POLA1: variants seen among roughly 807,000 people sequenced by gnomAD.
The protein encoded by POLA1 is DNA polymerase alpha catalytic subunit.
In POLA1, 15 loss-of-function variants were observed where a neutral mutation model predicts 124.0. That is an observed-to-expected ratio of 0.12 (90% CI 0.08 to 0.19). The LOEUF is 0.19. Among genes scored for constraint, POLA1 ranks in the 10% least tolerant of loss-of-function variants. POLA1 has a pLI of 1.00. For synonymous variants in POLA1, 408 were observed against 389.4 expected (o/e 1.05, Z -0.56); for missense variants, 886 against 1,103.4 (o/e 0.80, Z 2.79).
At chrX:24,822,757 A>G (rs996564258) in intron 31 of POLA1, among the ~76,000 whole-genome samples, 3 of 111,725 alleles carry the variant, frequency 2.7e-5, no homozygotes, top group Non-Finnish European at 5.7e-5. Flanking sequence ...CAAAAAAACA[A>G]TTTTCATATT....
intron 35 of POLA1, among the ~76,000 whole-genome samples, chrX:24,890,800 T>C (rs1330769212): frequency 1.8e-5 from 2 of 112,648 alleles, no homozygotes; most frequent in African/African-American, 6.5e-5. Context: ...GAATTAGCTG[T>C]CATTGAATTA....
At chrX:24,715,327 T>C in intron 6 of POLA1, 124 bp downstream of exon 6, 1 of 432,163 alleles carries the variant, frequency 2.3e-6, no homozygotes, top group South Asian at 4.8e-5. Flanking sequence ...TAGCTTGCAC[T>C]GTTGCCCAGG....
At chrX:24,811,266 CTTGTTTTGTT>C (rs1198511965) in intron 28 of POLA1, among the ~76,000 whole-genome samples, 3 of 93,288 alleles carry the variant, frequency 3.2e-5, no homozygotes, top group African/African-American at 1.2e-4. Flanking sequence ...TTTTTTTCGT[CTTGTTTTGTT>C]TTGTTTGTTT....
Position 24,784,051 on chromosome X carries a change from T to G in POLA1, c.2965-25847T>G, listed in dbSNP as rs1171874731. On this transcript the variant is annotated intron_variant, in intron 26 of 36. Coordinates refer to ENST00000379068, the MANE Select transcript of POLA1 (RefSeq NM_001330360.2). The stretch of plus-strand genomic sequence containing the variant: ...CCATTTATCATTTTATCTGCAAGAT[T>G]TATATTTCTTTTTTTTTTTTTTTTT... Among the ~76,000 whole-genome samples, 2 of 100,480 alleles carry G rather than the reference T, an allele frequency of 2.0e-5. 1 individual carries two copies. The highest frequency in any genetic ancestry group is 2.3e-4 in the Admixed American group (2 of 8,628). 87.3% of individuals were successfully genotyped at this position (100,480 alleles called of 115,157 possible).
At chrX:24,836,888 TTA>T (rs2147051065) in intron 32 of POLA1, among the ~76,000 whole-genome samples, 1 of 111,940 alleles carries the variant, frequency 8.9e-6, no homozygotes, top group South Asian at 3.7e-4. Context: ...TGAAGTTCAT[TTA>T]TGTTTTATAT....
intron 34 of POLA1, among the ~76,000 whole-genome samples, chrX:24,846,299 T>A (rs778903856): frequency 5.4e-5 from 6 of 111,635 alleles, no homozygotes; most frequent in Admixed American, 2.9e-4. Context: ...CTATAACATT[T>A]AAACTTTGAT....
chrX:24,906,733 TG>T (rs2047371861), intron 35 of POLA1, among the ~76,000 whole-genome samples: 1 of 109,013 alleles, frequency 9.2e-6, no homozygotes, highest in Admixed American at 9.7e-5. Flanking sequence ...TCCACCCTCC[TG>T]GGGGAAAAAA....
chrX:24,754,131 G>A (rs1203423160), intron 26 of POLA1, among the ~76,000 whole-genome samples: 1 of 112,111 alleles, frequency 8.9e-6, no homozygotes, highest in Admixed American at 9.4e-5. Flanking sequence ...GTTGATGTTG[G>A]TGATGAAAGA....
intron 26 of POLA1, among the ~76,000 whole-genome samples, chrX:24,780,227 C>T (rs1446509281): frequency 8.9e-6 from 1 of 111,777 alleles, no homozygotes; most frequent in African/African-American, 3.3e-5. Flanking sequence ...TGGAAGGGTT[C>T]CTTCCTCTTC....
At chrX:24,939,200 A>C (rs1037368999) in intron 36 of POLA1, among the ~76,000 whole-genome samples, 1 of 112,286 alleles carries the variant, frequency 8.9e-6, no homozygotes, top group Non-Finnish European at 1.9e-5. Context: ...CTGCATTTGC[A>C]AAGCATATTG....
chrX:24,739,332 G>A, intron 19 of POLA1, 43 bp from the exon 20 acceptor site: 1 of 997,688 alleles, frequency 1.0e-6, no homozygotes, highest in Non-Finnish European at 1.4e-6. Context: ...TGTTCTCAGT[G>A]TCTGCTCTTT....
chrX:24,891,302 G>A (rs1304763478), intron 35 of POLA1, among the ~76,000 whole-genome samples: 1 of 111,292 alleles, frequency 9.0e-6, no homozygotes, highest in Non-Finnish European at 1.9e-5. Flanking sequence ...CTCTGGTTCC[G>A]GTGCTGCTCA....
chrX:24,763,074 C>T (rs1472765266), intron 26 of POLA1, among the ~76,000 whole-genome samples: 1 of 111,282 alleles, frequency 9.0e-6, no homozygotes, highest in Non-Finnish European at 1.9e-5. Flanking sequence ...GGGAGATTGG[C>T]TCACATTTCC....
chrX:24,870,272 T>C (rs1380721901), intron 34 of POLA1, among the ~76,000 whole-genome samples: 1 of 112,184 alleles, frequency 8.9e-6, no homozygotes, highest in African/African-American at 3.2e-5. Context: ...GCCCCAGGTA[T>C]GTGACCACTT....
intron 23 of POLA1, 105 bp downstream of exon 23, chrX:24,743,434 G>A (rs1006055862): frequency 3.0e-5 from 12 of 399,756 alleles, no homozygotes; most frequent in Non-Finnish European, 4.7e-5. Flanking sequence ...ATAGATCAGC[G>A]AATAGGTCTC....
At chrX:24,804,367 AATATTT>A (rs1348865499) in intron 26 of POLA1, among the ~76,000 whole-genome samples, 2 of 111,585 alleles carry the variant, frequency 1.8e-5, no homozygotes, top group East Asian at 2.8e-4. Context: ...CAAATATCAT[AATATTT>A]ATATTAATAT....
chrX:24,802,649 T>C (rs1395650974), intron 26 of POLA1, among the ~76,000 whole-genome samples: 1 of 111,628 alleles, frequency 9.0e-6, no homozygotes. Context: ...AGGTGCCACA[T>C]TGGAAAGATG....
chrX:24,711,180 C>T (rs1488073879), intron 4 of POLA1, among the ~76,000 whole-genome samples: 1 of 111,313 alleles, frequency 9.0e-6, no homozygotes, highest in African/African-American at 3.3e-5. Context: ...GACAGAGTTT[C>T]GCCATGTTGC....
At chrX:24,968,495 T>G (rs6653710) in intron 36 of POLA1, among the ~76,000 whole-genome samples, 12 of 110,111 alleles carry the variant, frequency 1.1e-4, no homozygotes, top group South Asian at 3.9e-4. Flanking sequence ...GTCAGGAGAT[T>G]GAGACCATCC....
Sources: gnomAD v4.1 joint callset for allele counts (sites outside exome capture counted in the v4.1 genomes callset) on GRCh38, gnomAD v4.1.1 for gene constraint, MANE v1.5 for transcripts, NCBI Gene and HGNC (gene_info 2026-07-23, HGNC 2026-07-21) for gene names.